ERBB4: variants seen among roughly 807,000 people sequenced by gnomAD.
The protein encoded by ERBB4 is receptor tyrosine-protein kinase erbB-4.
ERBB4 carries 42 observed loss-of-function variants against 158.0 expected under a neutral mutation model. That is an observed-to-expected ratio of 0.27 (90% CI 0.21 to 0.34). The LOEUF (loss-of-function observed/expected upper bound fraction) is 0.34. Among genes scored for constraint, ERBB4 ranks in the 10% least tolerant of loss-of-function variants. ERBB4 has a pLI of 1.00. For missense variants in ERBB4, 1,333 were observed against 1,624.1 expected, an observed-to-expected ratio of 0.82 and a Z score of 3.08; for synonymous variants, 583 against 558.7, an observed-to-expected ratio of 1.04 and a Z score of -0.61.
At chr2:211,539,562 G>A (rs1336256550) in intron 20 of ERBB4, among the ~76,000 whole-genome samples, 2 of 151,834 alleles carry the variant, frequency 1.3e-5, no homozygotes, top group Non-Finnish European at 2.9e-5. Flanking sequence ...ATACATAAAT[G>A]TCATTCACAC....
rs1482335447 is a variant in ERBB4, at chr2:211,868,657, A to G, written c.421+78773T>C. ...TGTTGGGTTGTTCTTTGATCAAAGG[A>G]ACCCTTATTTTATTCCTTTTTGCAT... On this transcript the variant is annotated intron_variant, in intron 3 of 27. Transcript: ENST00000342788. 2.0e-5 allele frequency among the ~76,000 whole-genome samples: 3 copies of G among 152,130 alleles called. No individual in the cohort carries two copies. The East Asian group carries it at 5.8e-4, about 29-fold the overall frequency.
At chr2:211,675,524 C>G (rs1055683966) in intron 13 of ERBB4, among the ~76,000 whole-genome samples, 3 of 151,848 alleles carry the variant, frequency 2.0e-5, no homozygotes, top group Non-Finnish European at 2.9e-5. Flanking sequence ...TAAACTTTCA[C>G]AAGAGTTTAA....
chr2:212,286,002 G>C (rs1349929674), intron 1 of ERBB4, among the ~76,000 whole-genome samples: 1 of 152,036 alleles, frequency 6.6e-6, no homozygotes, highest in Non-Finnish European at 1.5e-5. Flanking sequence ...CCTTTACATA[G>C]CATTAAGGAC....
chr2:212,374,509 C>T (rs114506407), intron 1 of ERBB4, among the ~76,000 whole-genome samples: 1,824 of 152,062 alleles, frequency 0.012, 38 homozygotes, highest in African/African-American at 0.042. Context: ...GTACACCACA[C>T]ATATGCCTTC....
chr2:212,488,748 CA>C (rs1427322432), intron 1 of ERBB4, among the ~76,000 whole-genome samples: 4 of 151,874 alleles, frequency 2.6e-5, no homozygotes, highest in African/African-American at 9.6e-5. Context: ...ATAATTACCC[CA>C]TTGTTACAAT....
In ERBB4 at chr2:212,336,101, G is replaced by A. The variant is rs138754304; in HGVS notation, c.82+202348C>T. Reference sequence around the variant, plus strand: ...ACTGGGGGATACATGGCGGAGGGTCGTATTAATGTTCCACAGGAAAAAAAA... The same window carrying A: ...ACTGGGGGATACATGGCGGAGGGTCATATTAATGTTCCACAGGAAAAAAAA... On this transcript the variant is annotated intron_variant, in intron 1 of 27. Transcript: ENST00000342788. Among the ~76,000 whole-genome samples, 469 of 151,956 alleles carry A rather than the reference G, an allele frequency of 3.1e-3. 3 individuals carry two copies. The highest frequency in any genetic ancestry group is 0.01 in the African/African-American group (427 of 41,492).
At chr2:211,385,044 A>G (rs1422448006) in intron 27 of ERBB4, among the ~76,000 whole-genome samples, 1 of 152,068 alleles carries the variant, frequency 6.6e-6, no homozygotes, top group Non-Finnish European at 1.5e-5. Flanking sequence ...AGCTATTCCT[A>G]TTTTGAATTC....
In ERBB4 at chr2:211,459,677, G is replaced by T. The variant is rs569244698; in HGVS notation, c.2488-28577C>A. Among the ~76,000 whole-genome samples, 6 of 152,210 alleles carry T rather than the reference G, an allele frequency of 3.9e-5. No homozygotes were observed. The Middle Eastern group carries it at 0.01, about 259-fold the overall frequency. ...TGCTGCCATGTAAGATGTGCCTTTT[G>T]CCTTCTGCATGATATGAGGCCTCCC... On this transcript the variant is annotated intron_variant, in intron 20 of 27. Transcript: ENST00000342788.
At chr2:211,868,680 C>T (rs1360638326) in intron 3 of ERBB4, among the ~76,000 whole-genome samples, 1 of 152,036 alleles carries the variant, frequency 6.6e-6, no homozygotes. Flanking sequence ...TTCCTTTTTG[C>T]ATTTCCCAAG....
intron 1 of ERBB4, among the ~76,000 whole-genome samples, chr2:212,289,606 T>C (rs992700927): frequency 6.6e-6 from 1 of 152,174 alleles, no homozygotes; most frequent in African/African-American, 2.4e-5. Context: ...AAGGAAGTTT[T>C]TGCCTGAAGG....
intron 14 of ERBB4, 104 bp downstream of exon 14, chr2:211,673,060 T>A (rs2071903299): frequency 2.2e-6 from 2 of 903,992 alleles, no homozygotes; most frequent in Non-Finnish European, 3.7e-6. Context: ...CCCCATGGCA[T>A]CCTGTAAGTA....
intron 1 of ERBB4, among the ~76,000 whole-genome samples, chr2:212,217,770 G>C (rs1220036531): frequency 1.3e-5 from 2 of 151,364 alleles, no homozygotes; most frequent in East Asian, 1.9e-4. Flanking sequence ...AGTCTTGATA[G>C]TTTTTATAAT....
chr2:212,051,703 C>T (rs1254906215), intron 2 of ERBB4, among the ~76,000 whole-genome samples: 1 of 152,154 alleles, frequency 6.6e-6, no homozygotes, highest in African/African-American at 2.4e-5. Flanking sequence ...CTCCTCAGTT[C>T]TTGACTATGG....
chr2:212,029,968 A>G (rs2076863252), intron 2 of ERBB4, among the ~76,000 whole-genome samples: 1 of 152,096 alleles, frequency 6.6e-6, no homozygotes, highest in African/African-American at 2.4e-5. Flanking sequence ...CAAGTTTTGC[A>G]CTGTACTATC....
intron 1 of ERBB4, among the ~76,000 whole-genome samples, chr2:212,442,675 T>A (rs1023510673): frequency 5.9e-5 from 9 of 152,152 alleles, no homozygotes; most frequent in African/African-American, 1.9e-4. Flanking sequence ...AGTGCCAGAA[T>A]GCATAATTGG....
chr2:211,872,219 A>G (rs571764701), intron 3 of ERBB4, among the ~76,000 whole-genome samples: 3 of 152,338 alleles, frequency 2.0e-5, no homozygotes, highest in African/African-American at 7.2e-5. Flanking sequence ...TTAGTATTTG[A>G]TCTTGTTATA....
At chr2:211,459,080 CATA>C (rs1297928652) in intron 20 of ERBB4, among the ~76,000 whole-genome samples, 1 of 152,180 alleles carries the variant, frequency 6.6e-6, no homozygotes, top group Non-Finnish European at 1.5e-5. Context: ...AAACCTAAAT[CATA>C]ATATCTCCCC....
rs1177522902 is a variant in ERBB4 at position 211,580,879 on chromosome 2, A to AGATTTATAT, written c.2302-18792_2302-18791insATATAAATC. ...AGTATGCATATACATATATATATAT[A>AGATTTATAT]TATATATATATATATATATATATAT... On this transcript the variant is annotated intron_variant, in intron 19 of 27. Transcript: ENST00000342788. 6.0e-5 allele frequency among the ~76,000 whole-genome samples: 4 copies of AGATTTATAT among 67,114 alleles called. 2 individuals are homozygous for AGATTTATAT. In the South Asian group the frequency reaches 1.8e-3, roughly 31 times the overall value. 44.0% of individuals were successfully genotyped at this position (67,114 alleles called of 152,430 possible). A position where few individuals can be genotyped will look rare whatever the true frequency, so the allele number is the denominator to read the frequency against.
At chr2:212,298,873 G>A (rs2086516360) in intron 1 of ERBB4, among the ~76,000 whole-genome samples, 1 of 151,508 alleles carries the variant, frequency 6.6e-6, no homozygotes, top group Admixed American at 6.6e-5. Flanking sequence ...AAAACTGGGA[G>A]GAATAATTAC....
Sources: allele counts gnomAD v4.1 joint callset (sites outside exome capture counted in the v4.1 genomes callset), GRCh38; gene constraint gnomAD v4.1.1; transcripts MANE v1.5; gene names NCBI Gene and HGNC (gene_info 2026-07-23, HGNC 2026-07-21).